The following PPP1R9A variants were observed in gnomAD, a reference collection of about 807,000 sequenced individuals.
PPP1R9A encodes protein phosphatase 1 regulatory subunit 9A.
In PPP1R9A, 59 loss-of-function variants were observed where a neutral mutation model predicts 141.9. The ratio of observed to expected loss-of-function variants is 0.42; its 90% CI spans 0.34 to 0.52. The LOEUF is 0.52. Ranked by LOEUF, PPP1R9A falls within the 20% of genes least tolerant of loss-of-function variation. The pLI is 0.10. For synonymous variants in PPP1R9A, 500 were observed against 569.7 expected (o/e 0.88, Z 1.74); for missense variants, 1,444 against 1,611.9 (o/e 0.90, Z 1.78).
intron 2 of PPP1R9A, among the ~76,000 whole-genome samples, chr7:95,110,001 G>T (rs1030191330): frequency 6.6e-6 from 1 of 152,096 alleles, no homozygotes; most frequent in Non-Finnish European, 1.5e-5. Flanking sequence ...ACATGGTAGA[G>T]ACCAAATAGG....
In PPP1R9A at chr7:95,288,737, G is replaced by A. The variant is rs962153112; in HGVS notation, c.3912+19G>A. ...ACTTAAGGTAAAGAATTATATGTCT[G>A]TCTTAGGTTACCAGGTATAATTTGT... On this transcript the variant is annotated intron_variant, in intron 19 of 19. Transcript: ENST00000433360. The A allele has an allele frequency of 2.0e-5, 32 of 1,609,002 alleles. No individual in the cohort carries two copies. Among genetic ancestry groups the A allele is most frequent in the Non-Finnish European group, 2.5e-5 (30 of 1,177,446 alleles).
chr7:94,971,915 C>T (rs1383377292), intron 2 of PPP1R9A, among the ~76,000 whole-genome samples: 1 of 152,076 alleles, frequency 6.6e-6, no homozygotes, highest in Admixed American at 6.6e-5. Context: ...ATAGTCATTT[C>T]CTTTAAAACC....
intron 2 of PPP1R9A, among the ~76,000 whole-genome samples, chr7:95,090,308 CTCA>C (rs1202623781): frequency 1.3e-5 from 2 of 151,792 alleles, no homozygotes; most frequent in Non-Finnish European, 2.9e-5. Flanking sequence ...GTATCATAGT[CTCA>C]TCATTGTAAA....
intron 5 of PPP1R9A, among the ~76,000 whole-genome samples, chr7:95,172,543 C>T (rs1424340814): frequency 6.6e-6 from 1 of 151,548 alleles, no homozygotes; most frequent in African/African-American, 2.4e-5. Context: ...TGACAGCATC[C>T]AAAATATTAA....
intron 16 of PPP1R9A, among the ~76,000 whole-genome samples, chr7:95,280,193 T>C (rs1396218512): frequency 6.6e-6 from 1 of 152,196 alleles, no homozygotes; most frequent in Non-Finnish European, 1.5e-5. Context: ...GTTAGAACCT[T>C]ATAGAATTAC....
At chr7:95,269,668 T>A (rs1801859861) in intron 14 of PPP1R9A, among the ~76,000 whole-genome samples, 161 bp downstream of exon 14, 1 of 152,162 alleles carries the variant, frequency 6.6e-6, no homozygotes, top group East Asian at 1.9e-4. Context: ...TCCATGTATT[T>A]TACTTTAATT....
At chr7:95,020,045 A>G (rs1426911794) in intron 2 of PPP1R9A, among the ~76,000 whole-genome samples, 2 of 122,936 alleles carry the variant, frequency 1.6e-5, no homozygotes, top group Non-Finnish European at 3.5e-5. Flanking sequence ...TATCATTATC[A>G]TCATCATCAT....
chr7:95,189,682 T>C lies in PPP1R9A; in HGVS notation c.1755-8667T>C, dbSNP rs578141070. 8.1e-3 allele frequency among the ~76,000 whole-genome samples: 1,224 copies of C among 152,040 alleles called. 11 individuals carry two copies. The highest frequency in any genetic ancestry group is 0.028 in the African/African-American group (1,176 of 41,468). On this transcript the variant is annotated intron_variant, in intron 5 of 19. Transcript: ENST00000433360. ...CGATCTCCTGACCTCGTGATCCGCC[T>C]GCCTCGGCCTCCCAAAGTGCTGGGA...
At chr7:94,987,361 C>A (rs1800979550) in intron 2 of PPP1R9A, among the ~76,000 whole-genome samples, 1 of 152,056 alleles carries the variant, frequency 6.6e-6, no homozygotes, top group South Asian at 2.1e-4. Context: ...AAATTAAATC[C>A]TATTAAGAAA....
At chr7:95,034,159 C>G (rs1419906184) in intron 2 of PPP1R9A, among the ~76,000 whole-genome samples, 6 of 151,722 alleles carry the variant, frequency 4.0e-5, no homozygotes, top group African/African-American at 1.5e-4. Flanking sequence ...TTCATTTATC[C>G]AGGTCTTTTT....
chr7:95,033,563 T>G (rs990915938), intron 2 of PPP1R9A, among the ~76,000 whole-genome samples: 47 of 152,170 alleles, frequency 3.1e-4, no homozygotes, highest in African/African-American at 1.1e-3. Context: ...TTAGTGCTTT[T>G]TGTGTGTCAT....
At chr7:95,099,523 G>A (rs1233880787) in intron 2 of PPP1R9A, among the ~76,000 whole-genome samples, 1 of 152,148 alleles carries the variant, frequency 6.6e-6, no homozygotes, top group Non-Finnish European at 1.5e-5. Context: ...CCAGTTCTCT[G>A]TTAAAAAACT....
intron 2 of PPP1R9A, among the ~76,000 whole-genome samples, chr7:94,994,299 CT>C (rs1801883814): frequency 6.6e-6 from 1 of 151,974 alleles, no homozygotes. Context: ...CACATAGGGT[CT>C]TCAGGGGAGA....
chr7:95,204,739 A>ATG (rs1234869444), intron 7 of PPP1R9A, among the ~76,000 whole-genome samples: 7 of 137,274 alleles, frequency 5.1e-5, no homozygotes, highest in African/African-American at 1.9e-4. Context: ...ACACATACCC[A>ATG]CACACACCCA....
At chr7:95,273,367 G>A (rs887376252) in intron 14 of PPP1R9A, among the ~76,000 whole-genome samples, 9 of 152,184 alleles carry the variant, frequency 5.9e-5, no homozygotes, top group Non-Finnish European at 1.2e-4. Context: ...CCGGCCACAG[G>A]CCATTAGCAA....
chr7:95,204,417 C>T (rs1790250378), intron 7 of PPP1R9A, among the ~76,000 whole-genome samples: 1 of 152,082 alleles, frequency 6.6e-6, no homozygotes, highest in Non-Finnish European at 1.5e-5. Flanking sequence ...TCACAGACTC[C>T]AATTTGGTCT....
At chr7:95,179,232 T>C (rs562736307) in intron 5 of PPP1R9A, among the ~76,000 whole-genome samples, 1 of 152,232 alleles carries the variant, frequency 6.6e-6, no homozygotes, top group Admixed American at 6.5e-5. Context: ...CATAAGTGAA[T>C]AGATGTGATA....
chr7:95,196,691 A>C (rs564834769), intron 5 of PPP1R9A, among the ~76,000 whole-genome samples: 1 of 152,326 alleles, frequency 6.6e-6, no homozygotes, highest in African/African-American at 2.4e-5. Context: ...GGTGAGCAAA[A>C]CAAGCTAGAT....
intron 2 of PPP1R9A, among the ~76,000 whole-genome samples, chr7:95,094,879 C>CAAAAAAAAAAAAAAAAAA (rs1166550834): frequency 4.4e-5 from 2 of 44,988 alleles, no homozygotes; most frequent in African/African-American, 7.2e-5. Flanking sequence ...GACTGCGTCT[C>CAAAAAAAAAAAAAAAAAA]AAAAAAAAAA....
Sources: gnomAD v4.1 joint callset for allele counts (sites outside exome capture counted in the v4.1 genomes callset) on GRCh38, gnomAD v4.1.1 for gene constraint, MANE v1.5 for transcripts, NCBI Gene and HGNC (gene_info 2026-07-23, HGNC 2026-07-21) for gene names.